MYO16: variants seen among roughly 807,000 people sequenced by gnomAD.
The protein encoded by MYO16 is unconventional myosin-XVI.
MYO16 carries 94 observed loss-of-function variants against 205.3 expected under a neutral mutation model. The observed-to-expected ratio is 0.46, with a 90% CI of 0.39 to 0.54. The LOEUF (loss-of-function observed/expected upper bound fraction) is 0.54. Ranked by LOEUF, MYO16 falls within the 20% of genes least tolerant of loss-of-function variation. The pLI is 0.00. For missense variants in MYO16, 2,315 were observed against 2,387.5 expected (o/e 0.97, Z 0.63); for synonymous variants, 988 against 954.0 (o/e 1.04, Z -0.66).
intron 4 of MYO16, among the ~76,000 whole-genome samples, chr13:108,744,866 AT>A (rs946179870): frequency 7.9e-5 from 12 of 152,138 alleles, no homozygotes; most frequent in African/African-American, 4.8e-5. Flanking sequence ...TTAGTTTTTG[AT>A]TTTATAAATC....
At chr13:108,804,227 A>G (rs1375053828) in intron 6 of MYO16, among the ~76,000 whole-genome samples, 3 of 152,228 alleles carry the variant, frequency 2.0e-5, no homozygotes, top group Admixed American at 6.5e-5. Flanking sequence ...CTAATGTTTT[A>G]GAAGCCACTC....
chr13:108,696,977 TA>T (rs11462001), intron 2 of MYO16, among the ~76,000 whole-genome samples: 67,107 of 145,120 alleles, frequency 0.46, 15,403 homozygotes, highest in East Asian at 0.64. Context: ...ATTCAAGCAT[TA>T]AAAAAAAAAA....
chr13:108,936,507 A>G (rs2139303996), intron 16 of MYO16, among the ~76,000 whole-genome samples: 1 of 152,168 alleles, frequency 6.6e-6, no homozygotes, highest in Middle Eastern at 3.4e-3. Context: ...TAGTTTGTGC[A>G]CATAGAGCTA....
At chr13:108,657,513 G>A (rs1310215138) in intron 1 of MYO16, among the ~76,000 whole-genome samples, 1 of 152,172 alleles carries the variant, frequency 6.6e-6, no homozygotes, top group African/African-American at 2.4e-5. Flanking sequence ...TTGTAGGAAA[G>A]ATGATTCTAC....
At position 108,844,376 on chromosome 13, in the gene MYO16, C is replaced by T. The variant is rs1377081244; in HGVS notation, c.1131C>T (p.Asp377=). Reference sequence around the variant, plus strand: ...TGGTGTTACCAATTGCCAAGCAAGACAGTTTGTTGGAAAAAGACATTATGT... The same window carrying T: ...TGGTGTTACCAATTGCCAAGCAAGATAGTTTGTTGGAAAAAGACATTATGT... The part of the protein sequence containing the change: ...SPLVLPIAKQ[D]SLLEKDIMFK... Residue 377 remains aspartate (D), a synonymous_variant, in exon 10 of 35, where the codon GAC becomes GAT. Transcript: ENST00000457511. 6.2e-7 allele frequency: 1 copy of T among 1,613,110 alleles called. No individual in the cohort carries two copies. The highest frequency in any genetic ancestry group is 2.2e-5 in the East Asian group (1 of 44,848).
intron 21 of MYO16, among the ~76,000 whole-genome samples, chr13:108,994,972 TC>T (rs1330898319): frequency 6.6e-6 from 1 of 152,098 alleles, no homozygotes; most frequent in Non-Finnish European, 1.5e-5. Context: ...CCAACCTCAG[TC>T]TCCTCCAGTA....
chr13:108,891,363 G>A (rs1422628767), intron 14 of MYO16, among the ~76,000 whole-genome samples: 1 of 152,106 alleles, frequency 6.6e-6, no homozygotes, highest in Non-Finnish European at 1.5e-5. Flanking sequence ...TCATTCCAGT[G>A]TAGGGAAGAC....
At chr13:108,671,980 G>A (rs551427802) in intron 2 of MYO16, among the ~76,000 whole-genome samples, 1 of 152,062 alleles carries the variant, frequency 6.6e-6, no homozygotes, top group Non-Finnish European at 1.5e-5. Context: ...CTGTAATAGG[G>A]CATATTTATT....
chr13:109,121,651 A>G (rs1875995516), intron 29 of MYO16, among the ~76,000 whole-genome samples: 1 of 152,172 alleles, frequency 6.6e-6, no homozygotes, highest in Admixed American at 6.5e-5. Context: ...TCTCTAACAG[A>G]GCCTGTGTTT....
At chr13:108,519,145 T>C in the MYO16 span, among the ~76,000 whole-genome samples, 1 of 152,208 alleles carries the variant, frequency 6.6e-6, no homozygotes, top group African/African-American at 2.4e-5. Flanking sequence ...ATTTCTTGAG[T>C]CTGCATCTTG....
chr13:109,030,910 T>C (rs942433127), intron 23 of MYO16, among the ~76,000 whole-genome samples: 51 of 152,164 alleles, frequency 3.4e-4, no homozygotes, highest in African/African-American at 1.1e-3. Flanking sequence ...CCCAATTAAT[T>C]ACCAAGTACA....
At position 109,052,403 on chromosome 13, in the gene MYO16, T is replaced by G. The variant is rs759536119; in HGVS notation, c.2976T>G (p.Ser992=). Residue 992 remains serine (S), a synonymous_variant, in exon 25 of 35, where the codon TCT becomes TCG. Transcript: ENST00000457511. ...YPSFKFRGHK[S]ALLSKKMTAS... ...CCTTTAAATTCCGAGGACATAAGTC[T>G]GCCCTGCTCAGTAAGAAAATGACAG... 5 of 1,612,820 alleles carry G rather than the reference T, an allele frequency of 3.1e-6. No individual in the cohort carries two copies. The highest frequency in any genetic ancestry group is 4.2e-6 in the Non-Finnish European group (5 of 1,178,992).
chr13:108,997,012 C>G (rs1391828376), intron 21 of MYO16, among the ~76,000 whole-genome samples: 1 of 152,116 alleles, frequency 6.6e-6, no homozygotes, highest in African/African-American at 2.4e-5. Context: ...GCTGGAATGA[C>G]AGGTGCATTG....
rs369887541 is a variant in MYO16, at chr13:108,667,646, A to G, written c.292+1497A>G. ...AGCAGCATTGAGCAAAAGAGAGTAAAGTGATTGGTTCTTGTTCAACACACA... is the reference window on the plus strand; with the variant it reads ...AGCAGCATTGAGCAAAAGAGAGTAAGGTGATTGGTTCTTGTTCAACACACA... On this transcript the variant is annotated intron_variant, in intron 2 of 34. Transcript: ENST00000457511. 2.0e-3 allele frequency among the ~76,000 whole-genome samples: 304 copies of G among 152,282 alleles called. 8 individuals are homozygous for G. In the South Asian group the frequency reaches 0.062, roughly 31 times the overall value.
intron 4 of MYO16, among the ~76,000 whole-genome samples, chr13:108,746,816 CA>C (rs142360853): frequency 0.025 from 3,868 of 151,978 alleles, 61 homozygotes; most frequent in Non-Finnish European, 0.041. Context: ...ACATAAAAAA[CA>C]AACGATGAAA....
chr13:108,684,913 T>C (rs1186958567), intron 2 of MYO16, among the ~76,000 whole-genome samples: 1 of 152,146 alleles, frequency 6.6e-6, no homozygotes, highest in Non-Finnish European at 1.5e-5. Context: ...TCACTCTGTG[T>C]TTTAGTACCC....
chr13:108,693,192 C>T (rs2139499829), intron 2 of MYO16, among the ~76,000 whole-genome samples: 1 of 152,168 alleles, frequency 6.6e-6, no homozygotes. Context: ...TTTAAGAACA[C>T]CATTGTCAGG....
intron 2 of MYO16, among the ~76,000 whole-genome samples, chr13:108,693,218 A>G (rs1243083391): frequency 5.9e-5 from 9 of 152,196 alleles, no homozygotes; most frequent in Non-Finnish European, 1.5e-5. Context: ...GTGGCTCTTT[A>G]TGGTGGTAAA....
the MYO16 span, among the ~76,000 whole-genome samples, chr13:108,507,431 T>A: frequency 6.6e-6 from 1 of 152,132 alleles, no homozygotes. Flanking sequence ...AGAAAAACTT[T>A]GAATATGTCA....
Sources: allele counts gnomAD v4.1 joint callset (sites outside exome capture counted in the v4.1 genomes callset), GRCh38; gene constraint gnomAD v4.1.1; transcripts MANE v1.5; gene names NCBI Gene and HGNC (gene_info 2026-07-23, HGNC 2026-07-21).